The following TBC1D8 variants were observed in gnomAD, a reference collection of about 807,000 sequenced individuals.
TBC1D8 encodes the protein BUB2-like protein 1.
In TBC1D8, 65 loss-of-function variants were observed where a neutral mutation model predicts 118.8. The observed-to-expected ratio is 0.55, with a 90% confidence interval of 0.45 to 0.67. The LOEUF is 0.67. Among genes scored for constraint, TBC1D8 ranks in the 30% least tolerant of loss-of-function variants. The probability of loss-of-function intolerance (pLI) is 0.00; values close to 1 mark genes in which losing one functional copy is unlikely to be tolerated. For synonymous variants in TBC1D8, 566 were observed against 595.8 expected (o/e 0.95, Z 0.73); for missense variants, 1,376 against 1,471.2 (o/e 0.94, Z 1.06).
chr2:101,023,453 A>G (rs929017301), intron 15 of TBC1D8, among the ~76,000 whole-genome samples: 1 of 152,098 alleles, frequency 6.6e-6, no homozygotes, highest in African/African-American at 2.4e-5. Context: ...GCCCAAAATC[A>G]TATTATTTAA....
chr2:101,033,836 AG>A (rs1310906866), intron 9 of TBC1D8, 78 bp from the exon 10 acceptor site: 8 of 1,494,722 alleles, frequency 5.4e-6, no homozygotes, highest in African/African-American at 1.4e-5. Context: ...TGGTCCCATC[AG>A]GGGACCCCAG....
intron 17 of TBC1D8, chr2:101,019,769 T>C (rs1437090517): frequency 1.3e-5 from 2 of 152,118 alleles, no homozygotes; most frequent in Non-Finnish European, 2.9e-5. Context: ...AGTAATTCAT[T>C]AGAAAGTTAG....
chr2:101,020,871 T>TC (rs1293543505), intron 17 of TBC1D8, among the ~76,000 whole-genome samples: 1 of 152,192 alleles, frequency 6.6e-6, no homozygotes, highest in Non-Finnish European at 1.5e-5. Context: ...TGTTAGTCCC[T>TC]CATTAGCCAT....
chr2:101,066,570 A>G (rs1373433389), intron 2 of TBC1D8, among the ~76,000 whole-genome samples: 1 of 152,226 alleles, frequency 6.6e-6, no homozygotes, highest in Non-Finnish European at 1.5e-5. Context: ...ACATACCTCA[A>G]AAATATTATG....
chr2:101,118,561 G>T (rs531386797), intron 1 of TBC1D8, among the ~76,000 whole-genome samples: 6 of 152,000 alleles, frequency 3.9e-5, no homozygotes, highest in African/African-American at 1.4e-4. Context: ...GCCAGGCTTG[G>T]TGGCAGGCAC....
intron 1 of TBC1D8, among the ~76,000 whole-genome samples, chr2:101,110,830 C>T (rs188155488): frequency 1.8e-4 from 27 of 151,986 alleles, no homozygotes; most frequent in Admixed American, 1.5e-3. Flanking sequence ...AAAAATTAGC[C>T]GGGCAGGGTG....
intron 17 of TBC1D8, among the ~76,000 whole-genome samples, chr2:101,014,724 G>A (rs186099301): frequency 3.2e-4 from 48 of 152,250 alleles, no homozygotes; most frequent in Non-Finnish European, 5.0e-4. Context: ...ATATTGGCAC[G>A]TTCTTAAAAG....
At chr2:101,090,494 C>A in intron 1 of TBC1D8, 130 bp from the exon 2 acceptor site, 1 of 952,282 alleles carries the variant, frequency 1.1e-6, no homozygotes, top group Non-Finnish European at 1.5e-6. Flanking sequence ...TCCAGTTCTT[C>A]AACTCACCTC....
At chr2:101,104,857 T>C (rs1177905478) in intron 1 of TBC1D8, among the ~76,000 whole-genome samples, 1 of 151,872 alleles carries the variant, frequency 6.6e-6, no homozygotes, top group Admixed American at 6.6e-5. Flanking sequence ...CTACTAAAAA[T>C]ACAAAAATTA....
chr2:101,063,647 G>T (rs1028680249), intron 2 of TBC1D8, among the ~76,000 whole-genome samples: 2 of 152,046 alleles, frequency 1.3e-5, no homozygotes, highest in African/African-American at 4.8e-5. Flanking sequence ...GTCCGTGACC[G>T]CAAAAGATTA....
intron 1 of TBC1D8, among the ~76,000 whole-genome samples, chr2:101,113,053 A>G (rs886207217): frequency 6.6e-6 from 1 of 152,208 alleles, no homozygotes; most frequent in African/African-American, 2.4e-5. Context: ...CACTTTTGAC[A>G]TCCCATTTTA....
intron 5 of TBC1D8, 68 bp downstream of exon 5, chr2:101,050,333 A>C (rs764212478): frequency 2.6e-6 from 4 of 1,546,098 alleles, no homozygotes; most frequent in African/African-American, 1.4e-5. Context: ...GCACTTGTAC[A>C]TAAGGGATGG....
chr2:101,115,697 G>T (rs1420324402), intron 1 of TBC1D8, among the ~76,000 whole-genome samples: 1 of 152,134 alleles, frequency 6.6e-6, no homozygotes, highest in African/African-American at 2.4e-5. Flanking sequence ...GGTGCAATGA[G>T]CCGAGATTGT....
At chr2:101,021,392 GGTT>G (rs1277363134) in intron 17 of TBC1D8, among the ~76,000 whole-genome samples, 1 of 152,166 alleles carries the variant, frequency 6.6e-6, no homozygotes, top group Non-Finnish European at 1.5e-5. Context: ...ACAGGCCAGA[GGTT>G]GTGAAGGTGT....
chr2:101,143,824 G>T (rs1037728446), intron 1 of TBC1D8, among the ~76,000 whole-genome samples: 3 of 152,234 alleles, frequency 2.0e-5, no homozygotes, highest in African/African-American at 7.2e-5. Context: ...GGCTCCCAAA[G>T]TGCTAGGACT....
At chr2:101,008,372 T>G in intron 19 of TBC1D8, 99 bp from the exon 20 acceptor site, 1 of 942,434 alleles carries the variant, frequency 1.1e-6, no homozygotes, top group East Asian at 2.7e-5. Context: ...CGACACAGTA[T>G]TTTTGAAGAC....
At chr2:101,030,920 T>C (rs1680634241) in intron 11 of TBC1D8, among the ~76,000 whole-genome samples, 2 of 152,130 alleles carry the variant, frequency 1.3e-5, no homozygotes, top group African/African-American at 4.8e-5. Context: ...TTATACAAGG[T>C]TCAAGAGTAG....
rs891866759 is a variant in TBC1D8 at position 101,126,788 on chromosome 2, A to C, written c.127+24339T>G. ...TGGAGAAAATGAAGATTGGTAAATA[A>C]GTAATAAAGACAGACAAGGTCAATT... is the stretch of plus-strand genomic sequence containing the variant. On this transcript the variant is annotated intron_variant, in intron 1 of 19. Coordinates refer to ENST00000409318, the MANE Select transcript of TBC1D8 (RefSeq NM_001330348.2). 2.0e-5 allele frequency among the ~76,000 whole-genome samples: 3 copies of C among 152,272 alleles called. 1 individual carries two copies. In the South Asian group the frequency reaches 6.2e-4, roughly 32 times the overall value.
At chr2:101,033,270 C>G (rs1680782506) in intron 10 of TBC1D8, 1 of 463,868 alleles carries the variant, frequency 2.2e-6, no homozygotes, top group South Asian at 1.9e-5. Flanking sequence ...GCACGCGCCA[C>G]CATGCCCAGC....
Sources: gnomAD v4.1 joint callset for allele counts (sites outside exome capture counted in the v4.1 genomes callset) on GRCh38, gnomAD v4.1.1 for gene constraint, MANE v1.5 for transcripts, NCBI Gene and HGNC (gene_info 2026-07-23, HGNC 2026-07-21) for gene names.